Variants in CCDC192 observed in about 807,000 individuals in gnomAD.
CCDC192 encodes the protein coiled-coil domain containing 192.
At chr5:127,911,699 C>CTTTTTTTTTT (rs10718531) in intron 6 of CCDC192, among the ~76,000 whole-genome samples, 1 of 117,340 alleles carries the variant, frequency 8.5e-6, no homozygotes, top group Non-Finnish European at 1.8e-5. Context: ...CCTTATACCA[C>CTTTTTTTTTT]TTTTTTTTTT....
chr5:127,786,145 A>T (rs1189740303), intron 3 of CCDC192: 3 of 1,093,238 alleles, frequency 2.7e-6, no homozygotes, highest in Non-Finnish European at 4.2e-6. Flanking sequence ...TGTGTGGAAA[A>T]TTTCCAAGTG....
chr5:127,735,399 T>G (rs1752914122), intron 2 of CCDC192, among the ~76,000 whole-genome samples: 1 of 149,286 alleles, frequency 6.7e-6, no homozygotes, highest in South Asian at 2.1e-4. Flanking sequence ...TAGGATTGTC[T>G]TGGAAATGTG....
intron 2 of CCDC192, among the ~76,000 whole-genome samples, chr5:127,734,991 A>C (rs1580555428): frequency 7.1e-6 from 1 of 141,038 alleles, no homozygotes; most frequent in East Asian, 2.1e-4. Context: ...TTTAGACATG[A>C]AGTCCTTGCC....
intron 6 of CCDC192, among the ~76,000 whole-genome samples, chr5:127,910,610 A>T (rs745835070): frequency 5.3e-5 from 8 of 152,216 alleles, no homozygotes; most frequent in Non-Finnish European, 1.0e-4. Context: ...TAAATAACTG[A>T]ATGTAGCACA....
intron 6 of CCDC192, among the ~76,000 whole-genome samples, chr5:127,905,550 GTGA>G (rs1483722207): frequency 6.6e-6 from 1 of 152,184 alleles, no homozygotes; most frequent in Non-Finnish European, 1.5e-5. Flanking sequence ...CACAATTTAT[GTGA>G]TGAAAATTGC....
At chr5:127,763,489 T>G (rs978487111) in intron 3 of CCDC192, among the ~76,000 whole-genome samples, 1 of 152,192 alleles carries the variant, frequency 6.6e-6, no homozygotes, top group Admixed American at 6.5e-5. Flanking sequence ...ATTATGGCCC[T>G]TGTTTAATGA....
Position 127,754,368 on chromosome 5 carries a change from C to G in CCDC192, c.215C>G (p.Ser72Cys). 2 of 398,702 alleles carry G rather than the reference C, an allele frequency of 5.0e-6. No homozygotes were observed. The highest frequency in any genetic ancestry group is 4.4e-6 in the Non-Finnish European group (1 of 225,986). The allele number at this position is 398,702 out of a possible 1,614,324, so 24.7% of individuals were successfully genotyped here. The change falls in exon 3 of 7, where the codon TCT (serine) becomes TGT (cysteine). Residue 72 changes from serine (S) to cysteine (C), a missense_variant. Physicochemically the swap from Ser to Cys is moderately radical, Grantham distance 112. Coordinates refer to ENST00000514853, the MANE Select transcript of CCDC192 (RefSeq NM_001317938.2). ...KEAEEKAKAL[S>C]EQLSVSEGTK... ...GCAGAAGAAAAGGCTAAAGCTTTAT[C>G]TGAACAGGTAACACCTGTCATGGGA...
intron 6 of CCDC192, among the ~76,000 whole-genome samples, chr5:127,881,095 T>A (rs1561537371): frequency 6.6e-6 from 1 of 152,206 alleles, no homozygotes; most frequent in Admixed American, 6.5e-5. Context: ...AAGACCTTCA[T>A]GATCTAAGAA....
At chr5:127,806,280 AAG>A (rs560549147) in intron 5 of CCDC192, among the ~76,000 whole-genome samples, 85 of 152,220 alleles carry the variant, frequency 5.6e-4, no homozygotes, top group African/African-American at 2.0e-3. Context: ...TACATCACAC[AAG>A]GACCCTGGCT....
At chr5:127,753,065 C>G (rs1001127433) in intron 2 of CCDC192, among the ~76,000 whole-genome samples, 11 of 152,150 alleles carry the variant, frequency 7.2e-5, no homozygotes, top group African/African-American at 2.7e-4. Flanking sequence ...GCAGAAATCA[C>G]CCGTCTTCTG....
intron 5 of CCDC192, among the ~76,000 whole-genome samples, chr5:127,840,312 G>C (rs1750225560): frequency 6.6e-6 from 1 of 152,186 alleles, no homozygotes; most frequent in African/African-American, 2.4e-5. Context: ...GTTTGAGGTT[G>C]GCTTAAGTTT....
At chr5:127,799,662 G>C (rs568774148) in intron 5 of CCDC192, among the ~76,000 whole-genome samples, 1 of 152,158 alleles carries the variant, frequency 6.6e-6, no homozygotes, top group Non-Finnish European at 1.5e-5. Context: ...AAAAGCCATA[G>C]TTCCTGGTGC....
intron 5 of CCDC192, among the ~76,000 whole-genome samples, chr5:127,819,894 T>C (rs887843521): frequency 3.3e-5 from 5 of 152,238 alleles, no homozygotes; most frequent in African/African-American, 1.2e-4. Flanking sequence ...GTGCTTGCAC[T>C]TGCACAGGCA....
At chr5:127,885,545 C>T (rs980582900) in intron 6 of CCDC192, among the ~76,000 whole-genome samples, 2 of 152,160 alleles carry the variant, frequency 1.3e-5, no homozygotes, top group African/African-American at 4.8e-5. Flanking sequence ...TCCCCAGAAA[C>T]CTCACTATTA....
chr5:127,806,507 T>C (rs1446724582), intron 5 of CCDC192, among the ~76,000 whole-genome samples: 1 of 152,188 alleles, frequency 6.6e-6, no homozygotes, highest in African/African-American at 2.4e-5. Context: ...TAAATACCTA[T>C]TAGCTAACCA....
At chr5:127,834,599 C>G (rs1749949257) in intron 5 of CCDC192, among the ~76,000 whole-genome samples, 1 of 152,190 alleles carries the variant, frequency 6.6e-6, no homozygotes, top group South Asian at 2.1e-4. Flanking sequence ...TTCATAGTAT[C>G]TTTGCAGGCA....
intron 5 of CCDC192, among the ~76,000 whole-genome samples, chr5:127,853,433 A>G (rs1001702455): frequency 2.6e-5 from 4 of 151,996 alleles, no homozygotes; most frequent in African/African-American, 9.7e-5. Flanking sequence ...TAATTTCACA[A>G]TTTTTATAGA....
chr5:127,717,928 C>A (rs76542868), intron 2 of CCDC192, among the ~76,000 whole-genome samples: 452 of 97,792 alleles, frequency 4.6e-3, no homozygotes, highest in South Asian at 5.1e-3. Context: ...TAAAGCTAGA[C>A]AAAAAAAAAA....
chr5:127,937,390 A>G (rs972951052), intron 6 of CCDC192, among the ~76,000 whole-genome samples: 114 of 152,258 alleles, frequency 7.5e-4, no homozygotes, highest in African/African-American at 2.7e-3. Context: ...CCTGTGGGAA[A>G]TAATTAGGCT....
Sources: gnomAD v4.1 joint callset for allele counts (sites outside exome capture counted in the v4.1 genomes callset) on GRCh38, gnomAD v4.1.1 for gene constraint, MANE v1.5 for transcripts, NCBI Gene and HGNC (gene_info 2026-07-23, HGNC 2026-07-21) for gene names.